FAM81A: variants seen among roughly 807,000 people sequenced by gnomAD.
FAM81A encodes the protein family with sequence similarity 81 member A.
FAM81A carries 19 observed loss-of-function variants against 46.7 expected under a neutral mutation model. That is an observed-to-expected ratio of 0.41 (90% confidence interval 0.28 to 0.60). The LOEUF is 0.60. FAM81A is among the 20% of genes least tolerant of loss of function. The pLI is 0.34. For synonymous variants in FAM81A, 183 were observed against 152.9 expected (o/e 1.20, Z -1.45); for missense variants, 377 against 453.5 (o/e 0.83, Z 1.53).
chr15:59,514,364 G>A lies in FAM81A; in HGVS notation c.726G>A (p.Arg242=). The change falls in exon 7 of 9, where the codon CGG becomes CGA. Residue 242 remains arginine, a synonymous_variant. Transcript: ENST00000288228. ...GTTGGTTGCAACAGGAACAAGAACG[G>A]ATAGAAAAAGAGCTTTTACAGAAAA... The part of the protein sequence containing the change: ...ARSWLQQEQE[R]IEKELLQKID... 3 of 1,613,688 alleles carry A rather than the reference G, an allele frequency of 1.9e-6. No individual in the cohort carries two copies. The highest frequency in any genetic ancestry group is 1.7e-6 in the Non-Finnish European group (2 of 1,179,772).
chr15:59,517,844 G>A (rs552212244), intron 8 of FAM81A, among the ~76,000 whole-genome samples: 1 of 152,114 alleles, frequency 6.6e-6, no homozygotes, highest in East Asian at 1.9e-4. Context: ...ATTCCCTGAA[G>A]GAATGTATTG....
rs1596555630 is a variant in FAM81A, at chr15:59,521,305, C to T, written c.1034C>T (p.Ala345Val). The change falls in exon 9 of 9, where the codon GCC becomes GTC. Residue 345 changes from alanine to valine, a missense_variant. Coordinates refer to ENST00000288228, the MANE Select transcript of FAM81A (RefSeq NM_152450.3). ...GGATCCCTCAGGCAAGTTCTCGAGG[C>T]CAAGATGAAGCTGGACAGGGACCAG... The part of the protein sequence containing the change: ...SIGSLRQVLE[A>V]KMKLDRDQLQ... The T allele has an allele frequency of 6.2e-7, 1 of 1,613,816 alleles. No homozygotes were observed. The highest frequency in any genetic ancestry group is 2.2e-5 in the East Asian group (1 of 44,876).
chr15:59,492,473 C>T (rs1218612199), intron 4 of FAM81A, 84 bp downstream of exon 4: 5 of 1,096,616 alleles, frequency 4.6e-6, no homozygotes, highest in African/African-American at 1.6e-5. Context: ...ATTAATGAAG[C>T]CCCAAAGCAA....
At chr15:59,443,253 T>C (rs556536328) in intron 1 of FAM81A, among the ~76,000 whole-genome samples, 1 of 152,102 alleles carries the variant, frequency 6.6e-6, no homozygotes, top group Non-Finnish European at 1.5e-5. Context: ...TGGCTAACTT[T>C]TGTAATTTTG....
intron 4 of FAM81A, among the ~76,000 whole-genome samples, chr15:59,504,016 C>T (rs186161297): frequency 6.6e-6 from 1 of 152,244 alleles, no homozygotes; most frequent in East Asian, 1.9e-4. Flanking sequence ...CACAGTCTGT[C>T]CCTCAAACGG....
chr15:59,511,275 A>G (rs1006393392), intron 6 of FAM81A, among the ~76,000 whole-genome samples: 1 of 152,238 alleles, frequency 6.6e-6, no homozygotes, highest in South Asian at 2.1e-4. Flanking sequence ...GACAACATCT[A>G]AATGAGGAGG....
intron 2 of FAM81A, among the ~76,000 whole-genome samples, chr15:59,408,720 T>C (rs2081107470): frequency 1.3e-5 from 2 of 152,234 alleles, no homozygotes; most frequent in South Asian, 4.2e-4. Flanking sequence ...TCCCAGCTAC[T>C]CCGGAGGCTG....
At position 59,507,459 on chromosome 15, in the gene FAM81A, G is replaced by A. The variant is rs150819573; in HGVS notation, c.543+117G>A. 3.1e-4 allele frequency: 410 copies of A among 1,330,060 alleles called. 2 individuals are homozygous for A. The East Asian group carries it at 0.01, about 33-fold the overall frequency. The allele number at this position is 1,330,060 out of a possible 1,614,324, so 82.4% of individuals were successfully genotyped here. ...GCTGGGGCATCTAGCATGGGTTTAT[G>A]CCAATCATAAGCATCTTTTCTTTGA... On this transcript the variant is annotated intron_variant, in intron 5 of 8. Coordinates refer to ENST00000288228, the MANE Select transcript of FAM81A (RefSeq NM_152450.3).
intron 1 of FAM81A, chr15:59,401,712 A>G (rs969176518): frequency 3.4e-5 from 26 of 773,992 alleles, no homozygotes; most frequent in Non-Finnish European, 5.7e-5. Context: ...TTAGCTCGAG[A>G]TTGTCCCTCT....
At chr15:59,504,108 T>TAATGTCTTTTAAAA (rs2082124965) in intron 4 of FAM81A, among the ~76,000 whole-genome samples, 2 of 152,140 alleles carry the variant, frequency 1.3e-5, no homozygotes, top group African/African-American at 4.8e-5. Flanking sequence ...GACTGGAAAA[T>TAATGTCTTTTAAAA]AATGTCTTTT....
chr15:59,474,652 T>C (rs936165637), intron 3 of FAM81A, among the ~76,000 whole-genome samples: 4 of 152,162 alleles, frequency 2.6e-5, no homozygotes, highest in South Asian at 2.1e-4. Flanking sequence ...CAAATACTTA[T>C]TAAGTGAATA....
chr15:59,483,857 C>T (rs576302473), intron 3 of FAM81A, among the ~76,000 whole-genome samples: 2 of 152,178 alleles, frequency 1.3e-5, no homozygotes, highest in Non-Finnish European at 2.9e-5. Context: ...CTCACTGCTT[C>T]GCACCCTATA....
At chr15:59,487,279 C>CTTGT (rs1450581773) in intron 3 of FAM81A, among the ~76,000 whole-genome samples, 1 of 145,496 alleles carries the variant, frequency 6.9e-6, no homozygotes, top group South Asian at 2.2e-4. Flanking sequence ...TTTCTTTTTG[C>CTTGT]TTGTTTGTTT....
chr15:59,466,315 CCCA>C (rs2081612318), intron 3 of FAM81A, among the ~76,000 whole-genome samples: 1 of 152,206 alleles, frequency 6.6e-6, no homozygotes, highest in African/African-American at 2.4e-5. Context: ...AATTTACACT[CCCA>C]CCAACAGTGT....
chr15:59,513,321 A>G (rs2082232858), intron 6 of FAM81A, among the ~76,000 whole-genome samples: 1 of 152,134 alleles, frequency 6.6e-6, no homozygotes, highest in Non-Finnish European at 1.5e-5. Context: ...CAAGAGATAA[A>G]AGGGACTAGG....
intron 3 of FAM81A, among the ~76,000 whole-genome samples, chr15:59,478,981 A>G (rs1251628922): frequency 6.6e-6 from 1 of 152,226 alleles, no homozygotes; most frequent in Non-Finnish European, 1.5e-5. Context: ...ATCCTAGAAC[A>G]TGGAGCTAAA....
intron 1 of FAM81A, among the ~76,000 whole-genome samples, chr15:59,442,618 C>CAAAAAA (rs1196305104): frequency 5.0e-4 from 38 of 76,602 alleles, no homozygotes; most frequent in Admixed American, 5.8e-4. Flanking sequence ...CTCCGTCTCT[C>CAAAAAA]AAAAAAAAAA....
At chr15:59,510,069 A>G (rs1431525835) in intron 6 of FAM81A, among the ~76,000 whole-genome samples, 3 of 152,222 alleles carry the variant, frequency 2.0e-5, no homozygotes, top group African/African-American at 7.2e-5. Context: ...TCTCAAACTT[A>G]GAAAACCAAA....
chr15:59,436,363 G>T (rs530528923), upstream of FAM81A, among the ~76,000 whole-genome samples: 31 of 152,206 alleles, frequency 2.0e-4, no homozygotes, highest in African/African-American at 7.5e-4. Flanking sequence ...AGCCAGGAAG[G>T]GGTGCCTTGA....
Sources: gnomAD v4.1 joint callset for allele counts (sites outside exome capture counted in the v4.1 genomes callset) on GRCh38, gnomAD v4.1.1 for gene constraint, MANE v1.5 for transcripts, NCBI Gene and HGNC (gene_info 2026-07-23, HGNC 2026-07-21) for gene names.